The following IL1RAPL2 variants were observed in gnomAD, a reference collection of about 807,000 sequenced individuals.
IL1RAPL2 encodes interleukin 1 receptor accessory protein like 2.
Under a neutral mutation model 44.1 loss-of-function variants are expected in IL1RAPL2, and 3 were observed. The ratio of observed to expected loss-of-function variants is 0.07; its 90% confidence interval spans 0.03 to 0.18. The LOEUF is 0.18. Among genes scored for constraint, IL1RAPL2 ranks in the 10% least tolerant of loss-of-function variants. The probability of loss-of-function intolerance (pLI) is 1.00; values close to 1 mark genes in which losing one functional copy is unlikely to be tolerated. For missense variants in IL1RAPL2, 391 were observed against 496.4 expected, an observed-to-expected ratio of 0.79 and a Z score of 2.02; for synonymous variants, 181 against 178.8, an observed-to-expected ratio of 1.01 and a Z score of -0.10.
At chrX:104,652,619 G>T (rs1930173293) in intron 1 of IL1RAPL2, among the ~76,000 whole-genome samples, 1 of 111,582 alleles carries the variant, frequency 9.0e-6, no homozygotes, top group Non-Finnish European at 1.9e-5. Flanking sequence ...GATTCATTAA[G>T]TGTTTCAACT....
At chrX:104,701,218 T>A (rs749636077) in intron 2 of IL1RAPL2, among the ~76,000 whole-genome samples, 1 of 112,148 alleles carries the variant, frequency 8.9e-6, no homozygotes, top group Admixed American at 9.5e-5. Context: ...AGGCACTGTG[T>A]TGAATGCTCT....
intron 6 of IL1RAPL2, among the ~76,000 whole-genome samples, chrX:105,704,147 T>C (rs1489080459): frequency 8.9e-6 from 1 of 111,987 alleles, no homozygotes; most frequent in African/African-American, 3.2e-5. Context: ...CAAAGCAGAA[T>C]GTTGTACATT....
At chrX:105,694,525 T>A (rs1465400816) in intron 6 of IL1RAPL2, among the ~76,000 whole-genome samples, 2 of 111,474 alleles carry the variant, frequency 1.8e-5, no homozygotes, top group Non-Finnish European at 3.8e-5. Flanking sequence ...CCCAGAGAGG[T>A]TAAATCATTT....
At chrX:105,686,380 C>CAAAAAAAAA (rs1177667576) in intron 6 of IL1RAPL2, among the ~76,000 whole-genome samples, 11 of 25,163 alleles carry the variant, frequency 4.4e-4, no homozygotes, top group Admixed American at 7.1e-4. Context: ...AAATGGAAAG[C>CAAAAAAAAA]AAAAAAAAAA....
intron 5 of IL1RAPL2, among the ~76,000 whole-genome samples, chrX:105,398,198 C>A (rs1435273872): frequency 9.0e-6 from 1 of 110,711 alleles, no homozygotes; most frequent in African/African-American, 3.3e-5. Context: ...CCTACAACCT[C>A]AGAAACTTTC....
intron 5 of IL1RAPL2, among the ~76,000 whole-genome samples, chrX:105,376,756 T>C (rs959363021): frequency 5.4e-5 from 6 of 111,489 alleles, no homozygotes; most frequent in African/African-American, 2.0e-4. Flanking sequence ...TTTGAAGTGG[T>C]CTAATTGTCC....
chrX:105,452,077 C>A (rs1052975451), intron 5 of IL1RAPL2, among the ~76,000 whole-genome samples: 1 of 111,041 alleles, frequency 9.0e-6, no homozygotes, highest in Admixed American at 9.6e-5. Flanking sequence ...CTGCTTCATC[C>A]CTGGCAAAAT....
At chrX:105,540,848 C>CATATATTATATATCATATATAATATATGT (rs1293796472) in intron 6 of IL1RAPL2, among the ~76,000 whole-genome samples, 4 of 17,338 alleles carry the variant, frequency 2.3e-4, no homozygotes, top group African/African-American at 5.6e-4. Flanking sequence ...ATAATACATA[C>CATATATTATATATCATATATAATATATGT]ATATATTATA....
chrX:105,661,448 T>C (rs1466978051), intron 6 of IL1RAPL2, among the ~76,000 whole-genome samples: 1 of 112,126 alleles, frequency 8.9e-6, no homozygotes, highest in Non-Finnish European at 1.9e-5. Context: ...TACAGAACAT[T>C]TCATCCAATG....
At chrX:105,449,993 G>C (rs1276535604) in intron 5 of IL1RAPL2, among the ~76,000 whole-genome samples, 1 of 111,693 alleles carries the variant, frequency 9.0e-6, no homozygotes, top group Non-Finnish European at 1.9e-5. Context: ...AGTTCCCCAA[G>C]GACCTAGGCA....
rs748801002 is a variant in IL1RAPL2, at chrX:105,000,621, A to C, written c.83-194854A>C. On this transcript the variant is annotated intron_variant, in intron 2 of 10. Transcript: ENST00000372582. ...TAAAGAAACACTCATGTGCTCAATA[A>C]TTGCATTGACTAAAGTACAAAATAA... is the stretch of plus-strand genomic sequence containing the variant. Among the ~76,000 whole-genome samples the C allele has an allele frequency of 5.4e-5, 6 of 111,843 alleles. No individual in the cohort carries two copies. In the East Asian group the frequency reaches 1.7e-3, roughly 32 times the overall value.
chrX:105,188,689 A>G (rs2033610448), intron 2 of IL1RAPL2, among the ~76,000 whole-genome samples: 1 of 112,056 alleles, frequency 8.9e-6, no homozygotes, highest in East Asian at 2.8e-4. Flanking sequence ...AAAGGGAAGC[A>G]TATAATCCAA....
chrX:104,759,768 G>T lies in IL1RAPL2; in HGVS notation c.82+100773G>T, dbSNP rs780334847. ...AAATACTCAACTCATGGAAAATGGG[G>T]TATCCATCCTGCCAAGCATTTTTCC... On this transcript the variant is annotated intron_variant, in intron 2 of 10. Transcript: ENST00000372582. Among the ~76,000 whole-genome samples, 5 of 111,541 alleles carry T rather than the reference G, an allele frequency of 4.5e-5. No individual in the cohort carries two copies. The East Asian group carries it at 1.4e-3, about 32-fold the overall frequency.
intron 2 of IL1RAPL2, among the ~76,000 whole-genome samples, chrX:104,780,214 C>G (rs188144606): frequency 9.6e-4 from 107 of 111,570 alleles, no homozygotes; most frequent in Admixed American, 3.1e-3. Flanking sequence ...ACAGTACTTA[C>G]ACATTGCAGA....
chrX:105,678,691 T>C (rs2037895564), intron 6 of IL1RAPL2, among the ~76,000 whole-genome samples: 1 of 110,778 alleles, frequency 9.0e-6, no homozygotes, highest in Non-Finnish European at 1.9e-5. Context: ...TAGGAGTCAA[T>C]AGGGTAATAG....
At chrX:105,247,570 AAATAG>A (rs1165351185) in intron 4 of IL1RAPL2, among the ~76,000 whole-genome samples, 10 of 106,316 alleles carry the variant, frequency 9.4e-5, no homozygotes, top group African/African-American at 2.1e-4. Context: ...AGAGACCACT[AAATAG>A]AATAGAAGTG....
chrX:105,315,275 A>C (rs2034827912), intron 5 of IL1RAPL2, among the ~76,000 whole-genome samples: 1 of 109,974 alleles, frequency 9.1e-6, no homozygotes, highest in Middle Eastern at 4.7e-3. Flanking sequence ...AGAAAGTGGT[A>C]ATGTTTTCTT....
intron 5 of IL1RAPL2, among the ~76,000 whole-genome samples, chrX:105,419,458 G>A (rs16984763): frequency 1.4e-4 from 16 of 111,217 alleles, no homozygotes; most frequent in African/African-American, 4.6e-4. Context: ...AGGATTCCAC[G>A]TCTCACTATT....
chrX:104,734,907 C>G (rs946795273), intron 2 of IL1RAPL2, among the ~76,000 whole-genome samples: 2 of 111,732 alleles, frequency 1.8e-5, no homozygotes, highest in Non-Finnish European at 3.8e-5. Flanking sequence ...TGCTTTTATC[C>G]TGGTGTAATT....
Sources: allele counts gnomAD v4.1 joint callset (sites outside exome capture counted in the v4.1 genomes callset), GRCh38; gene constraint gnomAD v4.1.1; transcripts MANE v1.5; gene names NCBI Gene and HGNC (gene_info 2026-07-23, HGNC 2026-07-21).